Variants in RUNX1 observed in about 807,000 individuals in gnomAD.
The protein encoded by RUNX1 is RUNX family transcription factor 1.
A neutral mutation model predicts 42.8 loss-of-function variants in RUNX1; 19 were observed. That is an observed-to-expected ratio of 0.44 (90% confidence interval 0.31 to 0.65). The LOEUF (loss-of-function observed/expected upper bound fraction) is 0.65. Among genes scored for constraint, RUNX1 ranks in the 30% least tolerant of loss-of-function variants. The pLI is 0.07. For synonymous variants in RUNX1, 271 were observed against 289.4 expected, an observed-to-expected ratio of 0.94 and a Z score of 0.64; for missense variants, 528 against 672.0, an observed-to-expected ratio of 0.79 and a Z score of 2.37.
intron 2 of RUNX1, among the ~76,000 whole-genome samples, chr21:34,930,291 T>TATAC (rs1569110394): frequency 7.2e-6 from 1 of 138,818 alleles, no homozygotes; most frequent in Non-Finnish European, 1.5e-5. Flanking sequence ...TATATATATA[T>TATAC]AAATAAATAA....
At chr21:34,845,431 T>C (rs2057301539) in intron 6 of RUNX1, among the ~76,000 whole-genome samples, 1 of 152,260 alleles carries the variant, frequency 6.6e-6, no homozygotes, top group Admixed American at 6.5e-5. Context: ...AACTTCCCCC[T>C]GGCCTGTCTA....
At chr21:35,030,801 A>T (rs1189273008) in intron 2 of RUNX1, among the ~76,000 whole-genome samples, 1 of 152,264 alleles carries the variant, frequency 6.6e-6, no homozygotes, top group Non-Finnish European at 1.5e-5. Flanking sequence ...ACAGAAAGGG[A>T]AAGAATACTG....
intron 6 of RUNX1, among the ~76,000 whole-genome samples, chr21:34,845,701 T>C (rs961836919): frequency 3.3e-5 from 5 of 151,644 alleles, no homozygotes; most frequent in African/African-American, 1.2e-4. Context: ...CCCACTCCCT[T>C]CCCAGTCTCT....
chr21:34,920,338 T>C (rs1415801116), intron 2 of RUNX1, among the ~76,000 whole-genome samples: 1 of 152,150 alleles, frequency 6.6e-6, no homozygotes. Flanking sequence ...TTAGAGACGG[T>C]GATTGTCCCA....
intron 2 of RUNX1, among the ~76,000 whole-genome samples, chr21:34,990,478 G>A (rs1295815267): frequency 2.6e-5 from 4 of 152,126 alleles, no homozygotes; most frequent in Non-Finnish European, 1.5e-5. Context: ...ATGAGCCAGT[G>A]CAATAGGCCT....
intron 2 of RUNX1, among the ~76,000 whole-genome samples, chr21:34,930,234 AC>A (rs1477484569): frequency 0.03 from 3,978 of 133,348 alleles, 213 homozygotes; most frequent in African/African-American, 0.12. Context: ...TATTATATAT[AC>A]ATATTATATA....
chr21:35,018,629 G>T (rs544001383), intron 2 of RUNX1, among the ~76,000 whole-genome samples: 46 of 152,258 alleles, frequency 3.0e-4, no homozygotes, highest in African/African-American at 1.1e-3. Flanking sequence ...ACTTAACTTG[G>T]GGGAATTAAA....
At chr21:34,966,011 C>T (rs947684508) in intron 2 of RUNX1, among the ~76,000 whole-genome samples, 2 of 152,080 alleles carry the variant, frequency 1.3e-5, no homozygotes, top group Non-Finnish European at 2.9e-5. Flanking sequence ...GCAGTCCCCT[C>T]CTGTGGGTCT....
chr21:34,856,859 C>A (rs543364549), intron 6 of RUNX1, among the ~76,000 whole-genome samples: 1 of 152,180 alleles, frequency 6.6e-6, no homozygotes, highest in Non-Finnish European at 1.5e-5. Flanking sequence ...ATCTGGGCAT[C>A]CTGATTTACA....
At chr21:34,968,748 T>C (rs9975188) in intron 2 of RUNX1, among the ~76,000 whole-genome samples, 58,520 of 151,418 alleles carry the variant, frequency 0.39, 11,693 homozygotes, top group East Asian at 0.56. Flanking sequence ...GGTGGTCTGA[T>C]CTGTGGAAAA....
chr21:34,883,889 G>A (rs935134129), intron 4 of RUNX1, among the ~76,000 whole-genome samples: 31 of 152,230 alleles, frequency 2.0e-4, no homozygotes, highest in African/African-American at 7.5e-4. Flanking sequence ...GAATTCAGCT[G>A]AGATGATATT....
intron 2 of RUNX1, among the ~76,000 whole-genome samples, chr21:34,942,663 T>C (rs773938990): frequency 2.0e-4 from 31 of 152,302 alleles, no homozygotes; most frequent in Non-Finnish European, 4.1e-4. Context: ...TTTTAAGGCA[T>C]AGTGGTGAGG....
chr21:34,906,601 A>G (rs1357654695), intron 2 of RUNX1, among the ~76,000 whole-genome samples: 2 of 152,228 alleles, frequency 1.3e-5, no homozygotes, highest in Non-Finnish European at 2.9e-5. Context: ...AGTGAAAGTA[A>G]GAATTTGACC....
chr21:34,849,340 A>AC (rs2057370626), intron 6 of RUNX1, among the ~76,000 whole-genome samples: 2 of 40,602 alleles, frequency 4.9e-5, no homozygotes, highest in African/African-American at 1.6e-4. Flanking sequence ...TACTATATAT[A>AC]TTATATATAG....
intron 2 of RUNX1, among the ~76,000 whole-genome samples, chr21:34,985,499 G>A (rs1214510096): frequency 6.6e-6 from 1 of 152,190 alleles, no homozygotes; most frequent in Non-Finnish European, 1.5e-5. Context: ...TGAGATCTTG[G>A]AGATGACACG....
At chr21:34,807,229 C>T (rs1205603014) in intron 7 of RUNX1, among the ~76,000 whole-genome samples, 1 of 152,174 alleles carries the variant, frequency 6.6e-6, no homozygotes, top group Non-Finnish European at 1.5e-5. Context: ...CCCACAGGCG[C>T]TGGGAGAAGA....
rs187559744 is a variant in RUNX1 at position 35,009,704 on chromosome 21, C to T, written c.58+39138G>A. Among the ~76,000 whole-genome samples, 501 of 152,176 alleles carry T rather than the reference C, an allele frequency of 3.3e-3. 2 individuals carry two copies. Among genetic ancestry groups the T allele is most frequent in the Non-Finnish European group, 4.9e-3 (336 of 68,010 alleles). On this transcript the variant is annotated intron_variant, in intron 2 of 8. Transcript: ENST00000675419. Reference sequence around the variant, plus strand: ...GCCCTGCTCATTCCTCTTGCCAGCCCTTAAGGGACAACAGGGACACACCAT... The same window carrying T: ...GCCCTGCTCATTCCTCTTGCCAGCCTTTAAGGGACAACAGGGACACACCAT...
chr21:34,922,355 A>G (rs1346177496), intron 2 of RUNX1, among the ~76,000 whole-genome samples: 1 of 152,124 alleles, frequency 6.6e-6, no homozygotes. Context: ...GATCTCTCTT[A>G]TTTTATGTAA....
chr21:34,922,854 T>C (rs184986384), intron 2 of RUNX1, among the ~76,000 whole-genome samples: 55 of 152,358 alleles, frequency 3.6e-4, no homozygotes, highest in African/African-American at 1.2e-3. Flanking sequence ...GAATCATTTT[T>C]ACTGAATAAG....
Sources: gnomAD v4.1 joint callset for allele counts (sites outside exome capture counted in the v4.1 genomes callset) on GRCh38, gnomAD v4.1.1 for gene constraint, MANE v1.5 for transcripts, NCBI Gene and HGNC (gene_info 2026-07-23, HGNC 2026-07-21) for gene names.